Variants in NOD1 observed in about 807,000 individuals in gnomAD.
The protein encoded by NOD1 is nucleotide binding oligomerization domain containing 1, also known as nucleotide-binding oligomerization domain-containing protein 1.
Under a neutral mutation model 81.2 loss-of-function variants are expected in NOD1, and 70 were observed. That is an observed-to-expected ratio of 0.86 (90% confidence interval 0.71 to 1.05). The LOEUF is 1.05. NOD1 is among the 50% of genes least tolerant of loss of function. The probability of loss-of-function intolerance (pLI) is 0.00; values close to 1 mark genes in which losing one functional copy is unlikely to be tolerated. For synonymous variants in NOD1, 508 were observed against 526.9 expected (o/e 0.96, Z 0.49); for missense variants, 1,233 against 1,228.0 (o/e 1.00, Z -0.06).
intron 1 of NOD1, among the ~76,000 whole-genome samples, chr7:30,462,545 T>C (rs1787214830): frequency 6.6e-6 from 1 of 152,080 alleles, no homozygotes; most frequent in South Asian, 2.1e-4. Flanking sequence ...TGACAAAGTA[T>C]AGCATATTCA....
chr7:30,425,768 C>G lies in NOD1; in HGVS notation c.2790-58G>C. Reference sequence around the variant, plus strand: ...GTAAAATGTTAAGGATCCTCGCACACTCCTTCCCAAGGTGTGTTCATAGCA... The same window carrying G: ...GTAAAATGTTAAGGATCCTCGCACAGTCCTTCCCAAGGTGTGTTCATAGCA... On this transcript the variant is annotated intron_variant, in intron 13 of 13. Coordinates refer to ENST00000222823, the MANE Select transcript of NOD1 (RefSeq NM_006092.4). 4 of 1,179,324 alleles carry G rather than the reference C, an allele frequency of 3.4e-6. No individual in the cohort carries two copies. The East Asian group carries it at 9.3e-5, about 27-fold the overall frequency. 73.1% of individuals were successfully genotyped at this position (1,179,324 alleles called of 1,614,324 possible).
At chr7:30,445,756 CAAAAAA>C (rs35669955) in intron 9 of NOD1, among the ~76,000 whole-genome samples, 3 of 36,078 alleles carry the variant, frequency 8.3e-5, no homozygotes, top group South Asian at 1.2e-3. Flanking sequence ...GAGACTCTGT[CAAAAAA>C]AAAAAAAAAA....
At position 30,475,168 on chromosome 7, in the gene NOD1, G is replaced by A. The variant is rs1788647224; in HGVS notation, c.-352+3438C>T. ...CATCTGCTCTCAGCTCTGCTATCAT[G>A]TAAGGCGTTTCCTTAGCAATATGTG... On this transcript the variant is annotated intron_variant, in intron 1 of 13. Coordinates refer to ENST00000222823, the MANE Select transcript of NOD1 (RefSeq NM_006092.4). 2.6e-5 allele frequency among the ~76,000 whole-genome samples: 4 copies of A among 152,362 alleles called. 1 individual carries two copies. In the South Asian group the frequency reaches 8.3e-4, roughly 32 times the overall value.
At position 30,452,615 on chromosome 7, in the gene NOD1, C is replaced by A; in HGVS notation, c.802G>T (p.Val268Leu). Residue 268 changes from valine to leucine, a missense_variant, in exon 6 of 14, where the codon GTG (valine) becomes TTG (leucine). Coordinates refer to ENST00000222823, the MANE Select transcript of NOD1 (RefSeq NM_006092.4). ...GGGAAGCGCAGCAGGAAGGCAAACACCTCCTCGGGGTCCCGCTCTGGGTAG... is the reference window on the plus strand; with the variant it reads ...GGGAAGCGCAGCAGGAAGGCAAACAACTCCTCGGGGTCCCGCTCTGGGTAG... The part of the protein sequence containing the change: ...YCYPERDPEE[V>L]FAFLLRFPHV... 6.2e-7 allele frequency: 1 copy of A among 1,613,746 alleles called. No individual in the cohort carries two copies. The highest frequency in any genetic ancestry group is 1.7e-5 in the Admixed American group (1 of 60,038).
At chr7:30,426,734 C>A (rs550768888) in intron 13 of NOD1, among the ~76,000 whole-genome samples, 2 of 152,178 alleles carry the variant, frequency 1.3e-5, no homozygotes, top group Non-Finnish European at 2.9e-5. Flanking sequence ...GTAGTCCCCT[C>A]TTCCACACTG....
At chr7:30,460,428 G>A in intron 1 of NOD1, 2 of 985,408 alleles carry the variant, frequency 2.0e-6, no homozygotes, top group Non-Finnish European at 2.4e-6. Context: ...AGATTGGGCT[G>A]GGGCCAGGTA....
intron 9 of NOD1, among the ~76,000 whole-genome samples, chr7:30,438,768 A>G (rs10245465): frequency 0.048 from 7,263 of 152,266 alleles, 589 homozygotes; most frequent in African/African-American, 0.17. Flanking sequence ...AAGGAAGGAT[A>G]CATATAGTCT....
At chr7:30,437,491 G>T in intron 10 of NOD1, 82 bp downstream of exon 10, 5 of 851,448 alleles carry the variant, frequency 5.9e-6, no homozygotes, top group Non-Finnish European at 5.2e-6. Flanking sequence ...TCTATTAGGA[G>T]CACGAATCAC....
chr7:30,473,688 C>A (rs534828899), intron 1 of NOD1, among the ~76,000 whole-genome samples: 3 of 152,250 alleles, frequency 2.0e-5, no homozygotes, highest in Non-Finnish European at 4.4e-5. Flanking sequence ...AGCAGGGGCT[C>A]TGTTTCCAGA....
chr7:30,428,691 G>A (rs1194104575), intron 13 of NOD1: 3 of 151,932 alleles, frequency 2.0e-5, no homozygotes, highest in Non-Finnish European at 4.4e-5. Flanking sequence ...AATTGGCTAT[G>A]AAATTCTCCC....
chr7:30,433,284 G>T, intron 11 of NOD1, 105 bp from the exon 12 acceptor site: 2 of 819,072 alleles, frequency 2.4e-6, no homozygotes, highest in South Asian at 3.1e-5. Context: ...CAGCTATGCA[G>T]ATGATCACTT....
intron 1 of NOD1, among the ~76,000 whole-genome samples, chr7:30,461,311 G>C (rs1421192028): frequency 6.6e-6 from 1 of 152,062 alleles, no homozygotes; most frequent in African/African-American, 2.4e-5. Flanking sequence ...CTAAGTAGCT[G>C]GGATTACAGG....
intron 13 of NOD1, among the ~76,000 whole-genome samples, chr7:30,427,208 C>T (rs1238535155): frequency 6.6e-6 from 1 of 152,146 alleles, no homozygotes; most frequent in East Asian, 1.9e-4. Flanking sequence ...GAGATAGCCT[C>T]ACAGAAAGCT....
chr7:30,467,227 G>C lies in NOD1; in HGVS notation c.-351-7186C>G, dbSNP rs376391083. Among the ~76,000 whole-genome samples the C allele has an allele frequency of 6.6e-6, 1 of 152,122 alleles. No homozygotes were observed. The highest frequency in any genetic ancestry group is 2.4e-5 in the African/African-American group (1 of 41,408). ...CACTCCACGTTCTCTATAGGCATAC[G>C]CCCGTGAATGTAAATGCAAAGAAAA... On this transcript the variant is annotated intron_variant, in intron 1 of 13. Coordinates refer to ENST00000222823, the MANE Select transcript of NOD1 (RefSeq NM_006092.4). This position sits in a 1 kb window ranked among gnomAD's most constrained non-coding sequence, Gnocchi z 4.5.
chr7:30,469,366 G>A (rs191218057), intron 1 of NOD1: 5 of 458,940 alleles, frequency 1.1e-5, no homozygotes, highest in East Asian at 1.6e-4. Flanking sequence ...AGTCCCTCCC[G>A]GAATCACCTC....
At chr7:30,460,232 G>A (rs1259513305) in intron 1 of NOD1, 191 bp from the exon 2 acceptor site, 2 of 985,276 alleles carry the variant, frequency 2.0e-6, no homozygotes, top group South Asian at 4.7e-5. Context: ...TCTAAGGGTA[G>A]ACCAAAACCA....
Position 30,425,645 on chromosome 7 carries a change from C to G in NOD1, c.2855G>C (p.Cys952Ser). The G allele has an allele frequency of 6.2e-7, 1 of 1,613,012 alleles. No homozygotes were observed. Among genetic ancestry groups the G allele is most frequent in the Non-Finnish European group, 8.5e-7 (1 of 1,178,950 alleles). ...KVYEDEKRII[C>S]F ...GAACAGGAAAGCATCCTCTCAGAAA[C>G]AGATAATCCGCTTCTCATCTTCATA... Residue 952 changes from cysteine to serine, a missense_variant, in exon 14 of 14, where the codon TGT (cysteine) becomes TCT (serine). Physicochemically the swap from Cys to Ser is moderately radical, Grantham distance 112. Transcript: ENST00000222823.
At position 30,429,396 on chromosome 7, in the gene NOD1, T is replaced by TG. The variant is rs765930219; in HGVS notation, c.2766dup (p.Asn923GlnfsTer23). 3.1e-6 allele frequency: 5 copies of TG among 1,614,168 alleles called. No individual in the cohort carries two copies. The highest frequency in any genetic ancestry group is 4.2e-6 in the Non-Finnish European group (5 of 1,179,944). The stretch of plus-strand genomic sequence containing the variant: ...TACCAAATCTCTGTTATGCCAGTGT[T>TG]GCTCTGTAACGCATCTGCCAGCTGG... On this transcript the variant is annotated frameshift_variant, in exon 13 of 14. Transcript: ENST00000222823. LOFTEE classifies it high-confidence loss of function.
intron 4 of NOD1, 90 bp downstream of exon 4, chr7:30,456,631 C>G: frequency 8.4e-7 from 1 of 1,186,816 alleles, no homozygotes; most frequent in Non-Finnish European, 1.2e-6. Context: ...GGACTAAACT[C>G]CCACGCTCTT....
Sources: allele counts gnomAD v4.1 joint callset (sites outside exome capture counted in the v4.1 genomes callset), GRCh38; gene constraint gnomAD v4.1.1; non-coding constraint Gnocchi (gnomAD v3.1); transcripts MANE v1.5; gene names NCBI Gene and HGNC (gene_info 2026-07-23, HGNC 2026-07-21).